ADGRL2: variants seen among roughly 807,000 people sequenced by gnomAD.
ADGRL2 encodes calcium-independent alpha-latrotoxin receptor 2.
A neutral mutation model predicts 157.4 loss-of-function variants in ADGRL2; 44 were observed. That is an observed-to-expected ratio of 0.28 (90% confidence interval 0.22 to 0.36). The LOEUF is 0.36. Among genes scored for constraint, ADGRL2 ranks in the 10% least tolerant of loss-of-function variants. The pLI, the probability that ADGRL2 is intolerant of heterozygous loss-of-function variation, is 1.00. For synonymous variants in ADGRL2, 585 were observed against 624.7 expected, an observed-to-expected ratio of 0.94 and a Z score of 0.95; for missense variants, 1,510 against 1,768.9, an observed-to-expected ratio of 0.85 and a Z score of 2.63.
chr1:81,987,901 C>G lies in ADGRL2; in HGVS notation c.3655+15C>G, dbSNP rs761363914. Reference sequence around the variant, plus strand: ...CAGAGAGACAAGTATGGGAGTAAAACTTAACTTTGCCTATCAAATGTAAAT... The same window carrying G: ...CAGAGAGACAAGTATGGGAGTAAAAGTTAACTTTGCCTATCAAATGTAAAT... On this transcript the variant is annotated intron_variant, in intron 23 of 23. Transcript: ENST00000686636. The G allele has an allele frequency of 6.2e-6, 2 of 324,710 alleles. No homozygotes were observed. Among genetic ancestry groups the G allele is most frequent in the Non-Finnish European group, 6.6e-6 (1 of 151,492 alleles). 20.1% of individuals were successfully genotyped at this position (324,710 alleles called of 1,614,324 possible).
intron 1 of ADGRL2, among the ~76,000 whole-genome samples, chr1:81,346,234 T>A (rs1662471349): frequency 6.6e-6 from 1 of 152,098 alleles, no homozygotes; most frequent in Admixed American, 6.5e-5. Context: ...AAAATGAAAA[T>A]TATCCATTAT....
At chr1:81,652,336 T>G (rs1417087404) in intron 3 of ADGRL2, among the ~76,000 whole-genome samples, 1 of 152,196 alleles carries the variant, frequency 6.6e-6, no homozygotes, top group African/African-American at 2.4e-5. Context: ...GGGGGATTTT[T>G]ACTTTAACAT....
intron 1 of ADGRL2, among the ~76,000 whole-genome samples, chr1:81,734,539 TGA>T (rs1428056080): frequency 6.8e-6 from 1 of 146,284 alleles, no homozygotes; most frequent in Non-Finnish European, 1.5e-5. Context: ...TCCATGACTG[TGA>T]GAGAATAAAT....
intron 1 of ADGRL2, among the ~76,000 whole-genome samples, chr1:81,316,927 T>A (rs992665548): frequency 5.9e-5 from 9 of 152,202 alleles, no homozygotes; most frequent in African/African-American, 2.2e-4. Flanking sequence ...GGGAGCAATG[T>A]TGGGAAAGCG....
chr1:81,354,238 C>T (rs183703492), intron 1 of ADGRL2, among the ~76,000 whole-genome samples: 53 of 152,282 alleles, frequency 3.5e-4, no homozygotes, highest in Middle Eastern at 6.8e-3. Flanking sequence ...TCTCATCTCA[C>T]TAGTAGGGCA....
chr1:81,479,291 G>A (rs1167664049), intron 2 of ADGRL2, among the ~76,000 whole-genome samples: 1 of 151,022 alleles, frequency 6.6e-6, no homozygotes, highest in Admixed American at 6.6e-5. Flanking sequence ...TGGCTAACAT[G>A]GCAAAACCCT....
chr1:81,901,529 AT>A (rs1320856371), intron 2 of ADGRL2, among the ~76,000 whole-genome samples: 2 of 151,944 alleles, frequency 1.3e-5, no homozygotes, highest in Non-Finnish European at 2.9e-5. Flanking sequence ...ATGTAACCAT[AT>A]TTGGGAATCA....
chr1:81,853,009 C>T (rs1011134407), intron 2 of ADGRL2, among the ~76,000 whole-genome samples: 2 of 151,982 alleles, frequency 1.3e-5, no homozygotes, highest in African/African-American at 2.4e-5. Context: ...ATTCCAAGAG[C>T]GAAGAGGCAG....
At chr1:81,858,750 C>A (rs2093290862) in intron 2 of ADGRL2, among the ~76,000 whole-genome samples, 1 of 152,086 alleles carries the variant, frequency 6.6e-6, no homozygotes, top group Non-Finnish European at 1.5e-5. Flanking sequence ...GAAAAAAAAT[C>A]ATTTGCAAAA....
intron 2 of ADGRL2, among the ~76,000 whole-genome samples, chr1:81,794,120 A>T (rs1161624419): frequency 6.6e-6 from 1 of 152,132 alleles, no homozygotes; most frequent in African/African-American, 2.4e-5. Context: ...TATTATAATG[A>T]ATTATTGTGT....
intron 1 of ADGRL2, among the ~76,000 whole-genome samples, chr1:81,308,229 C>G (rs1460326522): frequency 6.6e-6 from 1 of 152,026 alleles, no homozygotes; most frequent in Non-Finnish European, 1.5e-5. Context: ...CCAGGAAGGG[C>G]TAATTGAATT....
At chr1:81,478,551 G>A (rs2078319712) in intron 2 of ADGRL2, among the ~76,000 whole-genome samples, 1 of 152,194 alleles carries the variant, frequency 6.6e-6, no homozygotes, top group Admixed American at 6.5e-5. Flanking sequence ...TTGGAAAAAG[G>A]TGATAAGAAC....
intron 1 of ADGRL2, among the ~76,000 whole-genome samples, chr1:81,339,977 T>G (rs1661949820): frequency 6.6e-6 from 1 of 152,230 alleles, no homozygotes; most frequent in Non-Finnish European, 1.5e-5. Flanking sequence ...CCTGTATCTC[T>G]TGACCTTAAG....
rs370156350 is a variant in ADGRL2, at chr1:81,754,705, CCTCT to C, written c.-142-7097_-142-7094del. Among the ~76,000 whole-genome samples the C allele has an allele frequency of 3.1e-3, 451 of 146,928 alleles. 2 individuals are homozygous for C. Among genetic ancestry groups the C allele is most frequent in the African/African-American group, 0.011 (432 of 39,572 alleles). Reference sequence around the variant, plus strand: ...CCCTTCCTCCCTCCCTTCCTTCCTTCCTCTCTCTCTCTTTCTTTTTTTCTTTCTT... The same window carrying C: ...CCCTTCCTCCCTCCCTTCCTTCCTTCCTCTCTCTTTCTTTTTTTCTTTCTT... On this transcript the variant is annotated intron_variant, in intron 1 of 20. Coordinates refer to the ADGRL2 transcript ENST00000359929.
chr1:81,955,581 G>T (rs1653244776), intron 10 of ADGRL2, among the ~76,000 whole-genome samples: 1 of 152,124 alleles, frequency 6.6e-6, no homozygotes, highest in Non-Finnish European at 1.5e-5. Flanking sequence ...GCTGACACAG[G>T]TGGTTGTCAA....
intron 2 of ADGRL2, among the ~76,000 whole-genome samples, chr1:81,527,856 A>G (rs2079500303): frequency 6.6e-6 from 1 of 152,092 alleles, no homozygotes; most frequent in Admixed American, 6.5e-5. Flanking sequence ...TCACGAGGTC[A>G]GGAGATCGAG....
chr1:81,811,083 G>T (rs952393925), intron 1 of ADGRL2, among the ~76,000 whole-genome samples: 2 of 151,648 alleles, frequency 1.3e-5, no homozygotes, highest in African/African-American at 4.8e-5. Context: ...TTTTAAACTA[G>T]ATCTACAGCC....
intron 1 of ADGRL2, among the ~76,000 whole-genome samples, chr1:81,343,347 C>T (rs945023638): frequency 2.6e-5 from 4 of 152,088 alleles, no homozygotes; most frequent in African/African-American, 9.7e-5. Flanking sequence ...ACCTCAGCCT[C>T]CCAAAGTACT....
chr1:81,362,247 A>G (rs1570727121), intron 1 of ADGRL2, among the ~76,000 whole-genome samples: 2 of 151,744 alleles, frequency 1.3e-5, no homozygotes, highest in South Asian at 4.1e-4. Context: ...TTTTTTTCCC[A>G]TTATATCCCT....
Sources: allele counts gnomAD v4.1 joint callset (sites outside exome capture counted in the v4.1 genomes callset), GRCh38; gene constraint gnomAD v4.1.1; transcripts MANE v1.5; gene names NCBI Gene and HGNC (gene_info 2026-07-23, HGNC 2026-07-21).